Variants in LRCH3 observed in about 807,000 individuals in gnomAD.
LRCH3 encodes leucine rich repeats and calponin homology domain containing 3.
A neutral mutation model predicts 104.5 loss-of-function variants in LRCH3; 68 were observed. The ratio of observed to expected loss-of-function variants is 0.65; its 90% CI spans 0.54 to 0.80. The LOEUF (loss-of-function observed/expected upper bound fraction) is 0.80. Ranked by LOEUF, LRCH3 falls within the 30% of genes least tolerant of loss-of-function variation. The pLI is 0.00. For missense variants in LRCH3, 951 were observed against 953.9 expected (o/e 1.00, Z 0.04); for synonymous variants, 344 against 361.3 (o/e 0.95, Z 0.54).
intron 8 of LRCH3, among the ~76,000 whole-genome samples, 172 bp from the exon 9 acceptor site, chr3:197,835,497 TAAAAA>T (rs79382131): frequency 1.5e-5 from 2 of 135,092 alleles, no homozygotes; most frequent in South Asian, 2.2e-4. Flanking sequence ...ATAAAATGGG[TAAAAA>T]AAAAAAAAAA....
At chr3:197,866,344 A>G (rs1326299571) in intron 17 of LRCH3, 125 bp downstream of exon 17, 2 of 672,018 alleles carry the variant, frequency 3.0e-6, no homozygotes, top group Non-Finnish European at 5.3e-6. Flanking sequence ...CGGCAAAAGC[A>G]TGTGTCTGTG....
At chr3:197,880,112 A>AT (rs1210442847) in intron 20 of LRCH3, among the ~76,000 whole-genome samples, 6 of 150,280 alleles carry the variant, frequency 4.0e-5, no homozygotes, top group African/African-American at 4.9e-5. Context: ...CGCCCGGCTA[A>AT]TTTTTTGTAT....
chr3:197,882,353 G>C, intron 20 of LRCH3: 3 of 985,220 alleles, frequency 3.0e-6, no homozygotes, highest in Non-Finnish European at 3.6e-6. Context: ...CTACAAAGTT[G>C]CTAGTTTTTT....
intron 10 of LRCH3, among the ~76,000 whole-genome samples, chr3:197,843,671 C>T (rs777423746): frequency 2.0e-4 from 30 of 151,560 alleles, no homozygotes; most frequent in Non-Finnish European, 3.2e-4. Context: ...GCAACAGATA[C>T]GCCATCTCAA....
At chr3:197,820,699 C>T (rs1468800677) in intron 4 of LRCH3, among the ~76,000 whole-genome samples, 1 of 152,152 alleles carries the variant, frequency 6.6e-6, no homozygotes, top group Non-Finnish European at 1.5e-5. Context: ...GTCCCAGCTA[C>T]TCAGGAAGCT....
chr3:197,847,008 C>G (rs775820362), intron 10 of LRCH3, among the ~76,000 whole-genome samples: 2 of 151,870 alleles, frequency 1.3e-5, no homozygotes, highest in African/African-American at 2.4e-5. Flanking sequence ...AGTACAGTTA[C>G]GAGGTTCTGT....
chr3:197,878,822 C>G (rs1193310532), intron 20 of LRCH3, among the ~76,000 whole-genome samples: 1 of 152,232 alleles, frequency 6.6e-6, no homozygotes, highest in African/African-American at 2.4e-5. Context: ...CCAGGTCATT[C>G]TGGCCTTTAC....
chr3:197,807,465 C>T (rs1049521173), intron 1 of LRCH3, among the ~76,000 whole-genome samples: 3 of 152,060 alleles, frequency 2.0e-5, no homozygotes, highest in African/African-American at 7.2e-5. Context: ...CTGTGATCCG[C>T]CCGCCTTGGC....
intron 20 of LRCH3, among the ~76,000 whole-genome samples, chr3:197,879,413 G>A (rs887265660): frequency 7.9e-5 from 12 of 152,014 alleles, no homozygotes; most frequent in Non-Finnish European, 1.3e-4. Context: ...TTGGGAGGCC[G>A]AGGTGGGCGG....
chr3:197,883,804 T>C lies in LRCH3; in HGVS notation c.*138T>C. The C allele has an allele frequency of 1.1e-6, 1 of 923,258 alleles. No individual in the cohort carries two copies. The highest frequency in any genetic ancestry group is 1.5e-6 in the Non-Finnish European group (1 of 682,340). 57.2% of individuals were successfully genotyped at this position (923,258 alleles called of 1,614,324 possible). A position where few individuals can be genotyped will look rare whatever the true frequency, so the allele number is the denominator to read the frequency against. ...GTTCCCATGATTCCTAACAGGAATA[T>C]TTTGCTTCATTTCTCCATTTTAGGG... On this transcript the variant is annotated 3_prime_UTR_variant, in exon 21 of 21. Coordinates refer to ENST00000425562, the MANE Select transcript of LRCH3 (RefSeq NM_001365715.1). This position sits in a 1 kb window ranked among gnomAD's most constrained non-coding sequence, Gnocchi z 4.2.
At chr3:197,824,071 CT>C (rs753577276) in intron 4 of LRCH3, among the ~76,000 whole-genome samples, 54 of 146,254 alleles carry the variant, frequency 3.7e-4, no homozygotes, top group Admixed American at 4.1e-4. Flanking sequence ...ATGTTTTTTT[CT>C]TTTTTTTTTT....
At chr3:197,860,919 TA>T (rs1264569923) in intron 15 of LRCH3, among the ~76,000 whole-genome samples, 1 of 151,814 alleles carries the variant, frequency 6.6e-6, no homozygotes, top group Non-Finnish European at 1.5e-5. Flanking sequence ...CAGCCTCCGG[TA>T]ACCCTCAGTT....
chr3:197,868,096 A>G (rs9756181), intron 17 of LRCH3, among the ~76,000 whole-genome samples: 4,746 of 152,270 alleles, frequency 0.031, 259 homozygotes, highest in African/African-American at 0.11. Flanking sequence ...TTAAAAGTCA[A>G]ACTACAGATG....
intron 1 of LRCH3, among the ~76,000 whole-genome samples, chr3:197,797,285 C>A (rs752320734): frequency 3.6e-5 from 5 of 138,488 alleles, no homozygotes; most frequent in African/African-American, 5.5e-5. Context: ...GCTGAGATCA[C>A]GCCATTGCAC....
intron 20 of LRCH3, among the ~76,000 whole-genome samples, chr3:197,879,682 G>A (rs1713421227): frequency 6.6e-6 from 1 of 152,170 alleles, no homozygotes; most frequent in Non-Finnish European, 1.5e-5. Flanking sequence ...GGAATGCCAA[G>A]TCATTGAATG....
chr3:197,865,971 T>C, intron 16 of LRCH3, 141 bp from the exon 17 acceptor site: 1 of 640,234 alleles, frequency 1.6e-6, no homozygotes, highest in Non-Finnish European at 2.7e-6. Context: ...GATTATTTTC[T>C]GTACCAGACT....
chr3:197,806,404 G>A (rs573303515), intron 1 of LRCH3, among the ~76,000 whole-genome samples: 2 of 152,196 alleles, frequency 1.3e-5, no homozygotes, highest in Non-Finnish European at 1.5e-5. Context: ...TAGGATTACA[G>A]GCATGAGTGC....
intron 14 of LRCH3, among the ~76,000 whole-genome samples, chr3:197,858,156 T>G (rs1468389689): frequency 6.6e-6 from 1 of 152,202 alleles, no homozygotes; most frequent in Non-Finnish European, 1.5e-5. Context: ...AATTGTCATG[T>G]TTTGAGCACC....
intron 9 of LRCH3, 49 bp from the exon 10 acceptor site, chr3:197,839,272 T>A: frequency 8.4e-7 from 1 of 1,185,858 alleles, no homozygotes; most frequent in Non-Finnish European, 1.2e-6. Flanking sequence ...GTAATCGCAG[T>A]GTTCTGGATT....
Sources: gnomAD v4.1 joint callset for allele counts (sites outside exome capture counted in the v4.1 genomes callset) on GRCh38, gnomAD v4.1.1 for gene constraint, Gnocchi (gnomAD v3.1) non-coding constraint, MANE v1.5 for transcripts, NCBI Gene and HGNC (gene_info 2026-07-23, HGNC 2026-07-21) for gene names.